The following PGS1 variants were observed in gnomAD, a reference collection of about 807,000 sequenced individuals.
PGS1 encodes the protein phosphatidylglycerophosphate synthase 1, also known as CDP-diacylglycerol--glycerol-3-phosphate 3-phosphatidyltransferase, mitochondrial.
A neutral mutation model predicts 58.3 loss-of-function variants in PGS1; 44 were observed. The observed-to-expected ratio is 0.75, with a 90% confidence interval of 0.59 to 0.97. The LOEUF is 0.97. PGS1 is among the 50% of genes least tolerant of loss of function. The pLI, the probability that PGS1 is intolerant of heterozygous loss-of-function variation, is 0.00. For missense variants in PGS1, 684 were observed against 731.1 expected, an observed-to-expected ratio of 0.94 and a Z score of 0.74; for synonymous variants, 330 against 311.0, an observed-to-expected ratio of 1.06 and a Z score of -0.64.
rs537731946 is a variant in PGS1, at chr17:78,423,283, C to G, written c.*11-778C>G. On this transcript the variant is annotated intron_variant, in intron 9 of 9. Coordinates refer to ENST00000262764, the MANE Select transcript of PGS1 (RefSeq NM_024419.5). ...GCCGTGTCCTGCATCAGCCCAGCCA[C>G]AGAGTCCTACAGGTCCGGGGCTTGC... Among the ~76,000 whole-genome samples the G allele has an allele frequency of 2.0e-5, 3 of 152,308 alleles. No homozygotes were observed. The East Asian group carries it at 5.8e-4, about 29-fold the overall frequency.
rs2082911642 is a variant in PGS1 at position 78,392,648 on chromosome 17, T to G, written c.316T>G (p.Phe106Val). The G allele has an allele frequency of 5.0e-6, 8 of 1,613,138 alleles. No homozygotes were observed. The highest frequency in any genetic ancestry group is 6.8e-6 in the Non-Finnish European group (8 of 1,179,690). ...TAGGGTGCTTTCTTCCCCGGCAGAG[T>G]TTTTCGAGCTCATGAAGGTAAGTGG... The part of the protein sequence containing the change: ...HVRVLSSPAE[F>V]FELMKGQIRV... Residue 106 changes from phenylalanine (F) to valine (V), a missense_variant, in exon 2 of 10, where the codon TTT becomes GTT. Transcript: ENST00000262764.
chr17:78,418,005 CTG>C (rs1193454023), intron 8 of PGS1, among the ~76,000 whole-genome samples: 2 of 148,446 alleles, frequency 1.3e-5, no homozygotes, highest in Admixed American at 6.8e-5. Flanking sequence ...TCTCGGCTCA[CTG>C]TAACCTCTGC....
chr17:78,399,948 A>G, intron 5 of PGS1: 1 of 250,606 alleles, frequency 4.0e-6, no homozygotes, highest in Admixed American at 4.8e-5. Context: ...GCCCTTTCAC[A>G]GGCCCTCCCC....
intron 3 of PGS1, among the ~76,000 whole-genome samples, chr17:78,397,396 G>GCCCA (rs2083310188): frequency 2.0e-5 from 3 of 151,778 alleles, no homozygotes; most frequent in Admixed American, 6.6e-5. Context: ...GGTGCAGTGG[G>GCCCA]TTCACACCTC....
intron 2 of PGS1, 46 bp downstream of exon 2, chr17:78,392,711 G>A (rs764042379): frequency 4.6e-6 from 7 of 1,515,610 alleles, no homozygotes; most frequent in African/African-American, 2.8e-5. Flanking sequence ...AGCTTTTGGG[G>A]GATCAGGTTG....
Position 78,424,594 on chromosome 17 carries a change from C to T in PGS1, c.*544C>T, listed in dbSNP as rs1383355927. ...TAACCAGACTGCTATTATTTCTACT[C>T]GCCCTATTTAATGGTGTTTTTATTT... is the stretch of plus-strand genomic sequence containing the variant. On this transcript the variant is annotated 3_prime_UTR_variant, in exon 10 of 10. Transcript: ENST00000262764. The T allele has an allele frequency of 3.8e-5, 6 of 157,428 alleles. No individual in the cohort carries two copies. Among genetic ancestry groups the T allele is most frequent in the Admixed American group, 1.3e-4 (2 of 15,880 alleles). The allele number at this position is 157,428 out of a possible 1,614,324, so 9.8% of individuals were successfully genotyped here.
intron 1 of PGS1, among the ~76,000 whole-genome samples, chr17:78,388,579 CAA>C (rs1054679197): frequency 7.6e-4 from 116 of 151,922 alleles, no homozygotes; most frequent in African/African-American, 2.7e-3. Context: ...CTCCTGGTGT[CAA>C]GTGATTCTCC....
chr17:78,410,217 C>G (rs1209154465), intron 7 of PGS1, among the ~76,000 whole-genome samples: 2 of 152,136 alleles, frequency 1.3e-5, no homozygotes, highest in African/African-American at 4.8e-5. Context: ...CACCTGAGGT[C>G]AGGAGTTTGA....
Position 78,423,355 on chromosome 17 carries a change from G to T in PGS1, c.*11-706G>T, listed in dbSNP as rs180861282. Among the ~76,000 whole-genome samples the T allele has an allele frequency of 1.5e-3, 223 of 152,300 alleles. 1 individual carries two copies. The highest frequency in any genetic ancestry group is 2.6e-3 in the Non-Finnish European group (180 of 68,032). On this transcript the variant is annotated intron_variant, in intron 9 of 9. Coordinates refer to ENST00000262764, the MANE Select transcript of PGS1 (RefSeq NM_024419.5). The stretch of plus-strand genomic sequence containing the variant: ...CTAGACTCTGGGGGCGGGGGCTTGG[G>T]TGTGTTTCCTTACTTGTAAAAGGTC...
At chr17:78,410,003 CG>C (rs2084493103) in intron 7 of PGS1, among the ~76,000 whole-genome samples, 1 of 151,954 alleles carries the variant, frequency 6.6e-6, no homozygotes, top group African/African-American at 2.4e-5. Context: ...CCCGGCTACT[CG>C]GGAGGTTGAG....
chr17:78,394,271 C>T (rs1362319498), intron 2 of PGS1, among the ~76,000 whole-genome samples: 1 of 151,556 alleles, frequency 6.6e-6, no homozygotes. Flanking sequence ...GGTAGAGACT[C>T]CCCTTTCACC....
At chr17:78,388,356 A>G (rs770520304) in intron 1 of PGS1, among the ~76,000 whole-genome samples, 2 of 152,072 alleles carry the variant, frequency 1.3e-5, no homozygotes, top group African/African-American at 2.4e-5. Flanking sequence ...TCTCTGGACT[A>G]CTGAGGCCCT....
intron 7 of PGS1, among the ~76,000 whole-genome samples, chr17:78,407,846 A>G (rs2084288458): frequency 6.6e-6 from 1 of 152,242 alleles, no homozygotes; most frequent in Admixed American, 6.5e-5. Context: ...CGTGGGGGGA[A>G]GAGGCACCTT....
intron 7 of PGS1, among the ~76,000 whole-genome samples, chr17:78,406,389 C>A (rs1185519545): frequency 2.0e-5 from 3 of 152,330 alleles, no homozygotes; most frequent in Admixed American, 2.0e-4. Context: ...ATTGAACCCA[C>A]CATGGTGTTT....
intron 7 of PGS1, among the ~76,000 whole-genome samples, chr17:78,410,518 G>C (rs2084569446): frequency 7.6e-6 from 1 of 130,948 alleles, no homozygotes; most frequent in African/African-American, 3.0e-5. Context: ...CTGTCACCCA[G>C]GCTGGAATGC....
chr17:78,404,918 C>T (rs2083995792), intron 7 of PGS1, among the ~76,000 whole-genome samples: 1 of 152,044 alleles, frequency 6.6e-6, no homozygotes. Context: ...CCTTGGCCTC[C>T]CAAAGTGCTG....
intron 8 of PGS1, among the ~76,000 whole-genome samples, chr17:78,417,831 C>T (rs1246318166): frequency 1.3e-5 from 2 of 151,544 alleles, no homozygotes; most frequent in Non-Finnish European, 1.5e-5. Context: ...CCAGGCGCCC[C>T]ACTGAGGACA....
chr17:78,412,952 G>GT (rs2146300967), intron 7 of PGS1, among the ~76,000 whole-genome samples: 1 of 152,186 alleles, frequency 6.6e-6, no homozygotes, highest in Admixed American at 6.5e-5. Context: ...GGAAGAGGGG[G>GT]TGGGAGGGGG....
At chr17:78,380,709 A>C (rs914665789) in intron 1 of PGS1, among the ~76,000 whole-genome samples, 1 of 152,220 alleles carries the variant, frequency 6.6e-6, no homozygotes, top group Non-Finnish European at 1.5e-5. Flanking sequence ...ATTTCCCTCT[A>C]TATGTTTAAA....
Sources: gnomAD v4.1 joint callset for allele counts (sites outside exome capture counted in the v4.1 genomes callset) on GRCh38, gnomAD v4.1.1 for gene constraint, MANE v1.5 for transcripts, NCBI Gene and HGNC (gene_info 2026-07-23, HGNC 2026-07-21) for gene names.